Variants in SNRK observed in about 807,000 individuals in gnomAD.
SNRK encodes SNF related kinase.
Under a neutral mutation model 48.2 loss-of-function variants are expected in SNRK, and 3 were observed. The ratio of observed to expected loss-of-function variants is 0.06; its 90% CI spans 0.03 to 0.16. The LOEUF (loss-of-function observed/expected upper bound fraction) is 0.16. SNRK is among the 10% of genes least tolerant of loss of function. SNRK has a pLI of 1.00. For missense variants in SNRK, 627 were observed against 976.0 expected (o/e 0.64, Z 4.76); for synonymous variants, 376 against 366.1 (o/e 1.03, Z -0.31).
intron 3 of SNRK, among the ~76,000 whole-genome samples, chr3:43,318,722 T>A (rs2091031072): frequency 6.6e-6 from 1 of 152,112 alleles, no homozygotes; most frequent in Non-Finnish European, 1.5e-5. Flanking sequence ...GTTTTAGCGT[T>A]TTAGAATGTA....
chr3:43,332,905 AAATATAGT>A (rs1304780509), intron 4 of SNRK: 1 of 152,162 alleles, frequency 6.6e-6, no homozygotes, highest in African/African-American at 2.4e-5. Context: ...GTGTAGTGAG[AAATATAGT>A]AATGGAATAG....
intron 4 of SNRK, among the ~76,000 whole-genome samples, chr3:43,339,313 C>T (rs2091214751): frequency 6.6e-6 from 1 of 152,132 alleles, no homozygotes; most frequent in East Asian, 1.9e-4. Context: ...TTTGCAAGGG[C>T]TCTAGTTGTG....
At chr3:43,341,839 GT>G (rs1575560565) in intron 5 of SNRK, among the ~76,000 whole-genome samples, 1 of 152,192 alleles carries the variant, frequency 6.6e-6, no homozygotes, top group African/African-American at 2.4e-5. Flanking sequence ...ACTTTAGAGT[GT>G]TTTACATTAC....
chr3:43,330,737 G>T (rs1313379781), intron 3 of SNRK, among the ~76,000 whole-genome samples: 1 of 152,144 alleles, frequency 6.6e-6, no homozygotes, highest in Non-Finnish European at 1.5e-5. Flanking sequence ...TGCTGTCCTA[G>T]GGCAGATAAT....
At chr3:43,339,872 T>C (rs1214977479) in intron 4 of SNRK, among the ~76,000 whole-genome samples, 1 of 113,978 alleles carries the variant, frequency 8.8e-6, no homozygotes, top group Non-Finnish European at 1.8e-5. Context: ...TATATATATA[T>C]ATGTTACATG....
At chr3:43,336,712 T>C (rs2091191774) in intron 4 of SNRK, among the ~76,000 whole-genome samples, 1 of 151,668 alleles carries the variant, frequency 6.6e-6, no homozygotes, top group African/African-American at 2.4e-5. Flanking sequence ...GTGATTTTTC[T>C]ACCTGTTTTA....
chr3:43,340,579 G>C (rs2091227627), intron 5 of SNRK, 80 bp downstream of exon 5: 2 of 1,219,928 alleles, frequency 1.6e-6, no homozygotes, highest in Non-Finnish European at 2.4e-6. Flanking sequence ...CACAGCCTTT[G>C]GACACCTGTG....
intron 3 of SNRK, among the ~76,000 whole-genome samples, chr3:43,304,865 T>C (rs935357103): frequency 6.6e-6 from 1 of 152,122 alleles, no homozygotes; most frequent in Non-Finnish European, 1.5e-5. Flanking sequence ...AAAGGGTTAA[T>C]GAGCAGTTTC....
At chr3:43,319,859 C>T (rs1043239809) in intron 3 of SNRK, among the ~76,000 whole-genome samples, 1 of 152,104 alleles carries the variant, frequency 6.6e-6, no homozygotes. Context: ...GTCCTAGACT[C>T]TTAGAGGACC....
In SNRK at chr3:43,303,413, G is replaced by A. The variant is rs1451702256; in HGVS notation, c.210G>A (p.Val70=). ...LFQEVRCMKL[V]QHPNIVRLYE... Reference sequence around the variant, plus strand: ...AGGAAGTGAGATGCATGAAACTAGTGCAGCATCCTAACATCGTCCGCCTTT... The same window carrying A: ...AGGAAGTGAGATGCATGAAACTAGTACAGCATCCTAACATCGTCCGCCTTT... Residue 70 remains valine (V), a synonymous_variant, in exon 3 of 7, where the codon GTG becomes GTA. Coordinates refer to ENST00000296088, the MANE Select transcript of SNRK (RefSeq NM_017719.5). The surrounding 1 kb of genome is among the most constrained non-coding windows in gnomAD (Gnocchi z 6.2). 8.7e-6 allele frequency: 14 copies of A among 1,614,118 alleles called. No homozygotes were observed. Among genetic ancestry groups the A allele is most frequent in the Non-Finnish European group, 1.0e-5 (12 of 1,180,028 alleles).
chr3:43,320,010 G>A (rs951570691), intron 3 of SNRK, among the ~76,000 whole-genome samples: 4 of 152,168 alleles, frequency 2.6e-5, no homozygotes, highest in Non-Finnish European at 4.4e-5. Flanking sequence ...AAGTGGACCC[G>A]CAACTATTTG....
chr3:43,312,661 G>A (rs1481230007), intron 3 of SNRK, among the ~76,000 whole-genome samples: 2 of 152,104 alleles, frequency 1.3e-5, no homozygotes, highest in African/African-American at 4.8e-5. Flanking sequence ...AAATAAAACT[G>A]TTTCTGCTTC....
chr3:43,310,033 CA>C (rs892964784), intron 3 of SNRK, among the ~76,000 whole-genome samples: 2 of 151,870 alleles, frequency 1.3e-5, no homozygotes, highest in Admixed American at 1.3e-4. Context: ...CACTGGGAAA[CA>C]AAAAAATTTG....
At chr3:43,317,829 CACTTG>C (rs1472530817) in intron 3 of SNRK, among the ~76,000 whole-genome samples, 1 of 152,194 alleles carries the variant, frequency 6.6e-6, no homozygotes, top group African/African-American at 2.4e-5. Context: ...TATCTTTCCC[CACTTG>C]ACTTGCATCT....
At chr3:43,323,899 A>G (rs969301795) in intron 3 of SNRK, among the ~76,000 whole-genome samples, 1 of 152,160 alleles carries the variant, frequency 6.6e-6, no homozygotes, top group South Asian at 2.1e-4. Flanking sequence ...AGGACACACA[A>G]TAGCTGTGGT....
chr3:43,336,005 A>G (rs1315313922), intron 4 of SNRK, among the ~76,000 whole-genome samples: 2 of 151,412 alleles, frequency 1.3e-5, no homozygotes, highest in African/African-American at 4.9e-5. Flanking sequence ...CCATCTGATC[A>G]TTTTTGTGTT....
At chr3:43,332,110 T>G (rs1353717331) in intron 3 of SNRK, 59 bp from the exon 4 acceptor site, 2 of 1,267,438 alleles carry the variant, frequency 1.6e-6, no homozygotes, top group Non-Finnish European at 2.1e-6. Flanking sequence ...TTAGCGCACT[T>G]TTAATGTTTT....
chr3:43,307,701 G>A (rs201720187), intron 3 of SNRK, among the ~76,000 whole-genome samples: 2 of 150,860 alleles, frequency 1.3e-5, no homozygotes, highest in South Asian at 4.2e-4. Flanking sequence ...CTCTCTCTCT[G>A]TCTCTCTCTC....
chr3:43,301,095 A>G (rs1476671488), intron 2 of SNRK, among the ~76,000 whole-genome samples: 1 of 152,280 alleles, frequency 6.6e-6, no homozygotes, highest in Non-Finnish European at 1.5e-5. Flanking sequence ...ACTGGTGTGT[A>G]ATACTCATTC....
Sources: allele counts gnomAD v4.1 joint callset (sites outside exome capture counted in the v4.1 genomes callset), GRCh38; gene constraint gnomAD v4.1.1; non-coding constraint Gnocchi (gnomAD v3.1); transcripts MANE v1.5; gene names NCBI Gene and HGNC (gene_info 2026-07-23, HGNC 2026-07-21).